The following ZNF362 variants were observed in gnomAD, a reference collection of about 807,000 sequenced individuals.
ZNF362 encodes zinc finger protein 362, also known as rotund homolog.
ZNF362 carries 11 observed loss-of-function variants against 42.9 expected under a neutral mutation model. That is an observed-to-expected ratio of 0.26 (90% CI 0.16 to 0.42). The LOEUF is 0.42. Among genes scored for constraint, ZNF362 ranks in the 20% least tolerant of loss-of-function variants. The pLI is 1.00. For synonymous variants in ZNF362, 255 were observed against 257.3 expected, an observed-to-expected ratio of 0.99 and a Z score of 0.09; for missense variants, 362 against 576.2, an observed-to-expected ratio of 0.63 and a Z score of 3.81.
the ZNF362 span, among the ~76,000 whole-genome samples, chr1:33,155,339 G>A: frequency 6.6e-6 from 1 of 152,152 alleles, no homozygotes; most frequent in Admixed American, 6.5e-5. Context: ...CCAAAGTGCT[G>A]GAATTACAGG....
the ZNF362 span, among the ~76,000 whole-genome samples, chr1:33,134,158 G>T: frequency 1.3e-5 from 2 of 152,234 alleles, no homozygotes; most frequent in African/African-American, 2.4e-5. Context: ...ATGTGGCCCA[G>T]CCCCGTAAGA....
chr1:33,164,140 G>A, the ZNF362 span: 1 of 152,300 alleles, frequency 6.6e-6, no homozygotes, highest in African/African-American at 2.4e-5. Flanking sequence ...CCAGCATCCT[G>A]TGACTGTTTA....
chr1:33,144,656 C>T, the ZNF362 span, among the ~76,000 whole-genome samples: 6 of 152,194 alleles, frequency 3.9e-5, no homozygotes, highest in African/African-American at 1.4e-4. Context: ...CTTCTTTAGT[C>T]GACAGTCTTT....
chr1:33,289,121 G>A, intron 6 of ZNF362, among the ~76,000 whole-genome samples: 1 of 152,138 alleles, frequency 6.6e-6, no homozygotes, highest in East Asian at 1.9e-4. Flanking sequence ...GGAGGTGGAG[G>A]TTGCGGGGGA....
the ZNF362 span, among the ~76,000 whole-genome samples, chr1:33,131,015 G>T: frequency 1.3e-5 from 2 of 152,212 alleles, no homozygotes; most frequent in South Asian, 2.1e-4. Context: ...CCAGCATGCA[G>T]GTCACTGGGG....
the ZNF362 span, chr1:33,165,691 C>T: frequency 1.9e-5 from 14 of 722,060 alleles, no homozygotes; most frequent in Non-Finnish European, 2.3e-5. The surrounding 1 kb of genome is among the most constrained non-coding windows in gnomAD (Gnocchi z 4.0). Flanking sequence ...ACTTGCCTCC[C>T]GTCACAGTTC....
chr1:33,294,900 G>C lies in ZNF362; in HGVS notation c.909-37G>C. The C allele has an allele frequency of 3.7e-6, 6 of 1,612,828 alleles. No homozygotes were observed. The highest frequency in any genetic ancestry group is 5.1e-6 in the Non-Finnish European group (6 of 1,178,894). The stretch of plus-strand genomic sequence containing the variant: ...GAACTGGAGCGGTCTTGGGGTGTGT[G>C]TCAGGGACTTCGACCTTACTGGGCT... On this transcript the variant is annotated intron_variant, in intron 6 of 8. Transcript: ENST00000539719. This position sits in a 1 kb window ranked among gnomAD's most constrained non-coding sequence, Gnocchi z 4.2.
chr1:33,238,386 A>AATAAAATAAAATAAAAT, the ZNF362 span, among the ~76,000 whole-genome samples: 7 of 119,770 alleles, frequency 5.8e-5, no homozygotes, highest in South Asian at 2.7e-4. Context: ...TAAAATAAAT[A>AATAAAATAAAATAAAAT]AAATAAAATA....
At chr1:33,241,401 A>T in the ZNF362 span, among the ~76,000 whole-genome samples, 1 of 151,864 alleles carries the variant, frequency 6.6e-6, no homozygotes, top group South Asian at 2.1e-4. Flanking sequence ...AGGCTGAGGC[A>T]GGAGAATCTC....
At chr1:33,141,010 C>G in the ZNF362 span, among the ~76,000 whole-genome samples, 1 of 152,112 alleles carries the variant, frequency 6.6e-6, no homozygotes. Flanking sequence ...CTGACTGTGC[C>G]CTGCAGGCTG....
At chr1:33,201,168 GAAA>G in the ZNF362 span, among the ~76,000 whole-genome samples, 1 of 152,088 alleles carries the variant, frequency 6.6e-6, no homozygotes, top group African/African-American at 2.4e-5. Flanking sequence ...GAACTGCAAG[GAAA>G]AAGAGACAAA....
chr1:33,169,867 A>G, the ZNF362 span, among the ~76,000 whole-genome samples: 3 of 152,176 alleles, frequency 2.0e-5, no homozygotes, highest in Admixed American at 2.0e-4. Flanking sequence ...CTGCAGACAC[A>G]CTGAGCAGCT....
upstream of ZNF362, among the ~76,000 whole-genome samples, chr1:33,256,154 C>G (rs948048615): frequency 6.7e-6 from 1 of 149,160 alleles, no homozygotes; most frequent in Non-Finnish European, 1.5e-5. Context: ...GGGGGCGCAG[C>G]GCAACTTTGC....
At chr1:33,256,119 C>G (rs1462375554), upstream of ZNF362, among the ~76,000 whole-genome samples, 3 of 151,046 alleles carry the variant, frequency 2.0e-5, no homozygotes, top group African/African-American at 4.8e-5. Flanking sequence ...TCCTTTGTGG[C>G]TCTGCCTCCG....
chr1:33,279,959 T>A (rs1200001156), intron 4 of ZNF362, among the ~76,000 whole-genome samples, 165 bp from the exon 5 acceptor site: 2 of 152,226 alleles, frequency 1.3e-5, no homozygotes, highest in Non-Finnish European at 2.9e-5. Flanking sequence ...TCTTAAGGTG[T>A]CTAAGGCATC....
the ZNF362 span, among the ~76,000 whole-genome samples, chr1:33,223,413 G>A: frequency 2.6e-5 from 4 of 152,228 alleles, no homozygotes; most frequent in African/African-American, 9.6e-5. Context: ...TTCTTTTGTA[G>A]ATTGCCCAGT....
At chr1:33,238,321 AATAAC>A in the ZNF362 span, among the ~76,000 whole-genome samples, 8 of 115,000 alleles carry the variant, frequency 7.0e-5, no homozygotes, top group Admixed American at 6.9e-4. Context: ...TCCGTCTCAA[AATAAC>A]ATAAAATAAA....
At chr1:33,189,657 A>ATATATATATGTATATATATACG in the ZNF362 span, among the ~76,000 whole-genome samples, 1 of 102,010 alleles carries the variant, frequency 9.8e-6, no homozygotes, top group African/African-American at 4.1e-5. Context: ...ATATATATAT[A>ATATATATATGTATATATATACG]TATATATATA....
At chr1:33,272,256 T>C (rs1268129634) in intron 2 of ZNF362, among the ~76,000 whole-genome samples, 3 of 152,138 alleles carry the variant, frequency 2.0e-5, no homozygotes, top group African/African-American at 7.2e-5. Flanking sequence ...GTTGGCCTTA[T>C]AGGTGAGAGT....
Sources: allele counts gnomAD v4.1 joint callset (sites outside exome capture counted in the v4.1 genomes callset), GRCh38; gene constraint gnomAD v4.1.1; non-coding constraint Gnocchi (gnomAD v3.1); transcripts MANE v1.5; gene names NCBI Gene and HGNC (gene_info 2026-07-23, HGNC 2026-07-21).